EHD3: variants seen among roughly 807,000 people sequenced by gnomAD.
EHD3 encodes the protein EH domain-containing protein 3.
EHD3 carries 17 observed loss-of-function variants against 43.0 expected under a neutral mutation model. That is an observed-to-expected ratio of 0.40 (90% CI 0.27 to 0.59). EHD3 has a LOEUF of 0.59. Among genes scored for constraint, EHD3 ranks in the 20% least tolerant of loss-of-function variants. The pLI, the probability that EHD3 is intolerant of heterozygous loss-of-function variation, is 0.49. For synonymous variants in EHD3, 313 were observed against 289.5 expected, an observed-to-expected ratio of 1.08 and a Z score of -0.82; for missense variants, 594 against 705.6, an observed-to-expected ratio of 0.84 and a Z score of 1.79.
At chr2:31,257,284 T>A (rs1683768936) in intron 3 of EHD3, among the ~76,000 whole-genome samples, 1 of 152,142 alleles carries the variant, frequency 6.6e-6, no homozygotes. Flanking sequence ...TGCGCTGTGC[T>A]GAAGGGAAGA....
Position 31,261,622 on chromosome 2 carries a change from A to T in EHD3, c.989A>T (p.Glu330Val). ...SVFGKDNKKK[E>V]LVNNLAEIYG... ...TTCGGGAAGGACAACAAGAAGAAGGAGCTGGTCAACAACCTGGCCGAGATC... is the reference window on the plus strand; with the variant it reads ...TTCGGGAAGGACAACAAGAAGAAGGTGCTGGTCAACAACCTGGCCGAGATC... Residue 330 changes from glutamate (E) to valine (V), a missense_variant, in exon 5 of 6, where the codon GAG (glutamate) becomes GTG (valine). Physicochemically the swap from Glu to Val is moderately radical, Grantham distance 121. This residue lies in a region of EHD3 where 322 missense variants were observed against 348.0 expected (regional missense o/e 0.93). Coordinates refer to ENST00000322054, the MANE Select transcript of EHD3 (RefSeq NM_014600.3). 9 of 1,614,170 alleles carry T rather than the reference A, an allele frequency of 5.6e-6. No individual in the cohort carries two copies. Among genetic ancestry groups the T allele is most frequent in the Non-Finnish European group, 7.6e-6 (9 of 1,180,032 alleles).
chr2:31,248,825 A>C (rs966584562), intron 2 of EHD3, among the ~76,000 whole-genome samples: 1 of 152,216 alleles, frequency 6.6e-6, no homozygotes, highest in Non-Finnish European at 1.5e-5. Context: ...GGATCAAATC[A>C]GAAGGAGGCT....
At position 31,261,862 on chromosome 2, in the gene EHD3, C is replaced by A; in HGVS notation, c.1080+149C>A. 2 of 973,400 alleles carry A rather than the reference C, an allele frequency of 2.1e-6. 1 individual carries two copies. Among genetic ancestry groups the A allele is most frequent in the South Asian group, 3.5e-5 (2 of 56,414 alleles). 60.3% of individuals were successfully genotyped at this position (973,400 alleles called of 1,614,324 possible). A position where few individuals can be genotyped will look rare whatever the true frequency, so the allele number is the denominator to read the frequency against. On this transcript the variant is annotated intron_variant, in intron 5 of 5. Coordinates refer to ENST00000322054, the MANE Select transcript of EHD3 (RefSeq NM_014600.3). ...AGGAGGTGGCCCTGGATCTACACTCCTAGCTGGGCCATCACTGGCCCAACA... is the reference window on the plus strand; with the variant it reads ...AGGAGGTGGCCCTGGATCTACACTCATAGCTGGGCCATCACTGGCCCAACA...
chr2:31,250,144 T>TAGATCGGAAGAGCACACGTCTGAA, intron 3 of EHD3, among the ~76,000 whole-genome samples: 1 of 151,946 alleles, frequency 6.6e-6, no homozygotes, highest in Admixed American at 6.6e-5. Flanking sequence ...GTATTATCCA[T>TAGATCGGAAGAGCACACGTCTGAA]CTTACAGAGT....
intron 2 of EHD3, among the ~76,000 whole-genome samples, chr2:31,245,081 T>C (rs760638552): frequency 2.0e-5 from 3 of 152,236 alleles, no homozygotes; most frequent in Non-Finnish European, 4.4e-5. Context: ...TGCAGGCTGA[T>C]CCCCTGCTCA....
chr2:31,237,615 G>T (rs1304527672), intron 1 of EHD3, among the ~76,000 whole-genome samples: 1 of 152,194 alleles, frequency 6.6e-6, no homozygotes, highest in African/African-American at 2.4e-5. Flanking sequence ...ATGTTAGGCA[G>T]ACTGGTCTTG....
chr2:31,257,427 G>A (rs1000923672), intron 3 of EHD3, among the ~76,000 whole-genome samples: 1 of 152,008 alleles, frequency 6.6e-6, no homozygotes, highest in African/African-American at 2.4e-5. Flanking sequence ...GTGAGGAGCT[G>A]GCTGTGCCTG....
rs115352199 is a variant in EHD3 at position 31,265,962 on chromosome 2, A to G, written c.1081-215A>G. On this transcript the variant is annotated intron_variant, in intron 5 of 5. Coordinates refer to ENST00000322054, the MANE Select transcript of EHD3 (RefSeq NM_014600.3). ...TACAACCCTTCTACCCCCTACTGAA[A>G]AATCCCATCATCAGCCCAGTGGGCC... 3.1e-3 allele frequency among the ~76,000 whole-genome samples: 468 copies of G among 152,226 alleles called. 4 individuals carry two copies. Among genetic ancestry groups the G allele is most frequent in the African/African-American group, 0.011 (447 of 41,526 alleles).
At chr2:31,240,082 G>C (rs1488491974) in intron 1 of EHD3, among the ~76,000 whole-genome samples, 2 of 152,130 alleles carry the variant, frequency 1.3e-5, no homozygotes, top group Non-Finnish European at 2.9e-5. Flanking sequence ...GCCAATTATA[G>C]CTGCTCCAGG....
intron 1 of EHD3, among the ~76,000 whole-genome samples, chr2:31,242,548 G>T (rs529354057): frequency 4.6e-5 from 7 of 152,292 alleles, no homozygotes; most frequent in Admixed American, 2.0e-4. Flanking sequence ...TACCTATTTT[G>T]CCAGGTACTA....
chr2:31,246,654 G>A (rs991824305), intron 2 of EHD3, among the ~76,000 whole-genome samples: 3 of 152,080 alleles, frequency 2.0e-5, no homozygotes, highest in Non-Finnish European at 2.9e-5. Context: ...AGAGCTGAGC[G>A]CCCTTATGTC....
rs1330939102 is a variant in EHD3 at position 31,266,673 on chromosome 2, T to C, written c.1577T>C (p.Leu526Pro). The change falls in exon 6 of 6, where the codon CTG becomes CCG. Residue 526 changes from leucine to proline, a missense_variant. Leu to Pro is a moderately conservative substitution (Grantham distance 98). Coordinates refer to ENST00000322054, the MANE Select transcript of EHD3 (RefSeq NM_014600.3). This position sits in a 1 kb window ranked among gnomAD's most constrained non-coding sequence, Gnocchi z 5.1. The part of the protein sequence containing the change: ...ELPNELPAHL[L>P]PPSKRKVAE ...CCCAACGAGCTGCCTGCCCACCTCCTGCCCCCGTCCAAGAGGAAAGTTGCC... is the reference window on the plus strand; with the variant it reads ...CCCAACGAGCTGCCTGCCCACCTCCCGCCCCCGTCCAAGAGGAAAGTTGCC... The C allele has an allele frequency of 1.2e-6, 2 of 1,609,268 alleles. No homozygotes were observed. Among genetic ancestry groups the C allele is most frequent in the African/African-American group, 2.7e-5 (2 of 74,746 alleles).
rs1397267503 is a variant in EHD3, at chr2:31,266,240, G to A, written c.1144G>A (p.Val382Met). The A allele has an allele frequency of 6.2e-7, 1 of 1,614,194 alleles. No individual in the cohort carries two copies. Among genetic ancestry groups the A allele is most frequent in the Admixed American group, 1.7e-5 (1 of 60,022 alleles). ...GCTGAAGAGCAAGCTGCTGGAGGTA[G>A]TGGACGACATGCTGGCCCATGACAT... ...QPLKSKLLEVVDDMLAHDIAQ... is the reference protein window; with the variant it reads ...QPLKSKLLEVMDDMLAHDIAQ... Residue 382 changes from valine (V) to methionine (M), a missense_variant, in exon 6 of 6, where the codon GTG becomes ATG. By Grantham distance (21) the Val-to-Met change is conservative. Around this residue, in one of 3 missense-constraint regions of EHD3, gnomAD observed 322 missense variants for 348.0 expected, o/e 0.93. Coordinates refer to ENST00000322054, the MANE Select transcript of EHD3 (RefSeq NM_014600.3). The surrounding 1 kb of genome is among the most constrained non-coding windows in gnomAD (Gnocchi z 5.1).
At chr2:31,243,452 C>CTTTTTTTTT (rs1266371746) in intron 1 of EHD3, among the ~76,000 whole-genome samples, 2 of 34,820 alleles carry the variant, frequency 5.7e-5, no homozygotes, top group African/African-American at 1.9e-4. Context: ...TTCTTTCTTT[C>CTTTTTTTTT]TTTCTTTCTT....
intron 3 of EHD3, among the ~76,000 whole-genome samples, chr2:31,249,810 G>A (rs1318001502): frequency 6.6e-6 from 1 of 152,150 alleles, no homozygotes. Context: ...TTAAGTTCCT[G>A]GGGAGCTTGC....
In EHD3 at chr2:31,266,709, G is replaced by A. The variant is rs77999318; in HGVS notation, c.*5G>A. On this transcript the variant is annotated 3_prime_UTR_variant, in exon 6 of 6. Transcript: ENST00000322054. This position sits in a 1 kb window ranked among gnomAD's most constrained non-coding sequence, Gnocchi z 5.1. ...AAGAGGAAAGTTGCCGAGTGATGGG[G>A]TGGGGGGACATTCAGACGGGCAGTG... The A allele has an allele frequency of 0.011, 17,918 of 1,591,104 alleles. 129 individuals carry two copies. Among genetic ancestry groups the A allele is most frequent in the Non-Finnish European group, 0.013 (14,744 of 1,168,218 alleles).
chr2:31,235,112 C>A (rs1032847151), intron 1 of EHD3, among the ~76,000 whole-genome samples: 10 of 152,162 alleles, frequency 6.6e-5, no homozygotes, highest in Admixed American at 2.6e-4. Context: ...AAGCCATTCC[C>A]AGTCTCCCCA....
intron 1 of EHD3, among the ~76,000 whole-genome samples, chr2:31,235,791 CCTT>C (rs1303039361): frequency 2.6e-5 from 4 of 152,180 alleles, no homozygotes; most frequent in Non-Finnish European, 5.9e-5. Flanking sequence ...CACCAGAGGC[CCTT>C]CTTATCTTTA....
chr2:31,259,693 C>T (rs886303644), intron 3 of EHD3, among the ~76,000 whole-genome samples: 2 of 152,164 alleles, frequency 1.3e-5, no homozygotes, highest in Non-Finnish European at 2.9e-5. Flanking sequence ...ACAAGAATTG[C>T]AGATTTCTTC....
Sources: gnomAD v4.1 joint callset for allele counts (sites outside exome capture counted in the v4.1 genomes callset) on GRCh38, gnomAD v4.1.1 for gene constraint, gnomAD v4.1.1 regional missense constraint, Gnocchi (gnomAD v3.1) non-coding constraint, MANE v1.5 for transcripts, NCBI Gene and HGNC (gene_info 2026-07-23, HGNC 2026-07-21) for gene names.